The following CDH13 variants were observed in gnomAD, a reference collection of about 807,000 sequenced individuals.
The protein encoded by CDH13 is cadherin-13.
CDH13 carries 24 observed loss-of-function variants against 63.8 expected under a neutral mutation model. The ratio of observed to expected loss-of-function variants is 0.38; its 90% CI spans 0.27 to 0.53. CDH13 has a LOEUF of 0.53. Among genes scored for constraint, CDH13 ranks in the 20% least tolerant of loss-of-function variants. The probability of loss-of-function intolerance (pLI) is 0.85; values close to 1 mark genes in which losing one functional copy is unlikely to be tolerated. For missense variants in CDH13, 1,049 were observed against 903.1 expected, an observed-to-expected ratio of 1.16 and a Z score of -2.07; for synonymous variants, 503 against 355.3, an observed-to-expected ratio of 1.42 and a Z score of -4.67.
chr16:83,324,616 C>A (rs1392420145), intron 5 of CDH13, among the ~76,000 whole-genome samples: 1 of 152,180 alleles, frequency 6.6e-6, no homozygotes, highest in Non-Finnish European at 1.5e-5. Flanking sequence ...TATTCCACTG[C>A]GTGAATATAT....
At chr16:83,176,293 C>A (rs952544980) in intron 4 of CDH13, among the ~76,000 whole-genome samples, 9 of 152,052 alleles carry the variant, frequency 5.9e-5, no homozygotes, top group African/African-American at 2.2e-4. Context: ...AGGCAGACCA[C>A]GAGGTCAGGA....
intron 7 of CDH13, among the ~76,000 whole-genome samples, chr16:83,547,902 G>C (rs557389391): frequency 3.7e-4 from 57 of 152,270 alleles, no homozygotes; most frequent in African/African-American, 1.3e-3. Context: ...AGGAGCTGCT[G>C]GGGGAGGGAA....
chr16:82,942,501 G>A (rs2151310638), intron 2 of CDH13, among the ~76,000 whole-genome samples: 1 of 152,308 alleles, frequency 6.6e-6, no homozygotes, highest in Non-Finnish European at 1.5e-5. Context: ...TGACCTAAGG[G>A]AAGAGGGTCA....
chr16:83,484,569 T>G (rs1251956286), intron 6 of CDH13, among the ~76,000 whole-genome samples: 4 of 152,254 alleles, frequency 2.6e-5, no homozygotes, highest in African/African-American at 9.6e-5. Flanking sequence ...AAATTTTAAT[T>G]GCCAAAGCAA....
intron 1 of CDH13, among the ~76,000 whole-genome samples, chr16:82,794,122 A>T (rs1191589838): frequency 1.3e-5 from 2 of 151,882 alleles, no homozygotes. Flanking sequence ...GGCCCAACAC[A>T]AGTTCGTAAA....
intron 6 of CDH13, among the ~76,000 whole-genome samples, chr16:83,361,273 AG>A (rs1334454084): frequency 1.3e-5 from 2 of 152,086 alleles, no homozygotes; most frequent in East Asian, 3.9e-4. Context: ...ACATTTTAAT[AG>A]GGTTATTTGT....
At chr16:82,964,613 A>G (rs1907538614) in intron 2 of CDH13, among the ~76,000 whole-genome samples, 1 of 152,244 alleles carries the variant, frequency 6.6e-6, no homozygotes, top group Non-Finnish European at 1.5e-5. Flanking sequence ...GAAATAAAAG[A>G]AAGAAACCAA....
chr16:83,449,019 C>T (rs535193696), intron 6 of CDH13, among the ~76,000 whole-genome samples: 97 of 152,268 alleles, frequency 6.4e-4, no homozygotes, highest in African/African-American at 2.3e-3. Context: ...CCTGGCAATC[C>T]TCAACAAAAG....
chr16:83,110,548 C>T (rs532459779), intron 3 of CDH13, among the ~76,000 whole-genome samples: 8 of 152,266 alleles, frequency 5.3e-5, no homozygotes, highest in Non-Finnish European at 1.0e-4. Context: ...GTGAAGGCAG[C>T]ACATGCTCAG....
chr16:83,077,107 G>A (rs1489951471), intron 3 of CDH13, among the ~76,000 whole-genome samples: 1 of 147,634 alleles, frequency 6.8e-6, no homozygotes, highest in African/African-American at 2.5e-5. Context: ...AAATCGTATG[G>A]TATATATATT....
intron 3 of CDH13, among the ~76,000 whole-genome samples, chr16:83,100,840 C>G (rs764420256): frequency 6.6e-6 from 1 of 152,168 alleles, no homozygotes; most frequent in Non-Finnish European, 1.5e-5. Context: ...CAGCCCTCAG[C>G]CACTTCCTGC....
At chr16:83,268,130 G>A (rs1045606192) in intron 5 of CDH13, among the ~76,000 whole-genome samples, 2 of 152,170 alleles carry the variant, frequency 1.3e-5, no homozygotes, top group Non-Finnish European at 2.9e-5. Flanking sequence ...CTCAGTGGTA[G>A]GACCAGAGTA....
intron 7 of CDH13, among the ~76,000 whole-genome samples, chr16:83,597,355 AAC>A (rs1225771742): frequency 6.6e-6 from 1 of 152,228 alleles, no homozygotes; most frequent in Non-Finnish European, 1.5e-5. Flanking sequence ...CAGCTCTGTA[AAC>A]ACTGAGATAA....
intron 1 of CDH13, among the ~76,000 whole-genome samples, chr16:82,791,695 C>T (rs546260140): frequency 1.3e-5 from 2 of 152,232 alleles, no homozygotes; most frequent in Admixed American, 1.3e-4. Context: ...CAGCGAGGCT[C>T]CCATTGCCAC....
chr16:83,296,184 C>A (rs768132574), intron 5 of CDH13, among the ~76,000 whole-genome samples: 11 of 152,162 alleles, frequency 7.2e-5, no homozygotes, highest in Non-Finnish European at 1.2e-4. Context: ...TTTTCAGATA[C>A]ACTTTTCCCA....
At chr16:83,017,803 C>G (rs1020641163) in intron 2 of CDH13, among the ~76,000 whole-genome samples, 1 of 152,104 alleles carries the variant, frequency 6.6e-6, no homozygotes, top group Non-Finnish European at 1.5e-5. Flanking sequence ...CGCTTTGATG[C>G]CACAGCCATT....
At chr16:82,702,844 T>C (rs1450546195) in intron 1 of CDH13, among the ~76,000 whole-genome samples, 1 of 152,158 alleles carries the variant, frequency 6.6e-6, no homozygotes, top group African/African-American at 2.4e-5. Flanking sequence ...CACAGCTTAG[T>C]GTGAGCTTCA....
At chr16:83,512,718 T>TG (rs1158758147) in intron 7 of CDH13, among the ~76,000 whole-genome samples, 1 of 149,426 alleles carries the variant, frequency 6.7e-6, no homozygotes, top group Non-Finnish European at 1.5e-5. Context: ...AGAAAGTACA[T>TG]GGGGAAGGAA....
chr16:83,229,431 A>G (rs2039939525), intron 5 of CDH13, among the ~76,000 whole-genome samples: 1 of 152,130 alleles, frequency 6.6e-6, no homozygotes, highest in Non-Finnish European at 1.5e-5. Context: ...CGTTCTCCCC[A>G]TTTAGTCTGG....
Sources: gnomAD v4.1 joint callset for allele counts (sites outside exome capture counted in the v4.1 genomes callset) on GRCh38, gnomAD v4.1.1 for gene constraint, MANE v1.5 for transcripts, NCBI Gene and HGNC (gene_info 2026-07-23, HGNC 2026-07-21) for gene names.